The following SEC22A variants were observed in gnomAD, a reference collection of about 807,000 sequenced individuals.
SEC22A encodes the protein SEC22 homolog A, vesicle trafficking protein.
SEC22A carries 22 observed loss-of-function variants against 35.3 expected under a neutral mutation model. The observed-to-expected ratio is 0.62, with a 90% CI of 0.45 to 0.89. The LOEUF (loss-of-function observed/expected upper bound fraction) is 0.89, where lower values mean the gene tolerates loss of function less well. SEC22A is among the 40% of genes least tolerant of loss of function. The probability of loss-of-function intolerance (pLI) is 0.00; values close to 1 mark genes in which losing one functional copy is unlikely to be tolerated. For synonymous variants in SEC22A, 119 were observed against 129.5 expected (o/e 0.92, Z 0.55); for missense variants, 354 against 362.5 (o/e 0.98, Z 0.19).
intron 2 of SEC22A, among the ~76,000 whole-genome samples, chr3:123,214,693 T>G (rs187103146): frequency 7.6e-4 from 115 of 152,290 alleles, no homozygotes; most frequent in East Asian, 3.7e-3. Flanking sequence ...TCATCTGAGA[T>G]CTTTAAAACT....
rs961480911 is a variant in SEC22A at position 123,234,588 on chromosome 3, CA to C, written c.541+9299del. 3.2e-3 allele frequency among the ~76,000 whole-genome samples: 485 copies of C among 151,022 alleles called. 4 individuals carry two copies. The highest frequency in any genetic ancestry group is 5.9e-3 in the South Asian group (28 of 4,768). ...AAAGAATGAAGTTGGACCCCTACCT[CA>C]AAAAAAATATATAAATTAATTAAAA... is the stretch of plus-strand genomic sequence containing the variant. On this transcript the variant is annotated intron_variant, in intron 4 of 6. Transcript: ENST00000492595.
intron 5 of SEC22A, among the ~76,000 whole-genome samples, chr3:123,254,687 G>T (rs914021514): frequency 3.9e-5 from 6 of 152,108 alleles, no homozygotes; most frequent in African/African-American, 1.4e-4. Context: ...TTTTGAGAGA[G>T]TAGACTACAT....
At position 123,272,958 on chromosome 3, in the gene SEC22A, AGATT is replaced by A. The variant is rs1938205518; in HGVS notation, c.*1238_*1241del. On this transcript the variant is annotated 3_prime_UTR_variant, in exon 7 of 7. Coordinates refer to ENST00000492595, the MANE Select transcript of SEC22A (RefSeq NM_012430.5). ...TACTTGTTTTTTGATAACGTTTTAA[AGATT>A]GTTTAAGCAGTTATGAATTAATAAT... 1 of 153,778 alleles carries A rather than the reference AGATT, an allele frequency of 6.5e-6. No individual in the cohort carries two copies. The highest frequency in any genetic ancestry group is 2.4e-5 in the African/African-American group (1 of 41,458). 9.5% of individuals were successfully genotyped at this position (153,778 alleles called of 1,614,324 possible). A position where few individuals can be genotyped will look rare whatever the true frequency, so the allele number is the denominator to read the frequency against.
chr3:123,270,253 A>G (rs1938128859), intron 6 of SEC22A, among the ~76,000 whole-genome samples: 1 of 151,614 alleles, frequency 6.6e-6, no homozygotes, highest in Admixed American at 6.6e-5. Context: ...ATTTTTTTCT[A>G]TTTTTTCAGT....
chr3:123,245,922 A>G lies in SEC22A; in HGVS notation c.565A>G (p.Thr189Ala), dbSNP rs1369979137. The change falls in exon 5 of 7, where the codon ACT (threonine) becomes GCT (alanine). Residue 189 changes from threonine (T) to alanine (A), a missense_variant. Transcript: ENST00000492595. ...AGCTCACCAGCGACTGGAACCAGCA[A>G]CTCTGTCAGGGATTGTAGGATTTAT... ...SSAHQRLEPA[T>A]LSGIVGFILS... 2.1e-5 allele frequency: 34 copies of G among 1,609,514 alleles called. No individual in the cohort carries two copies. Among genetic ancestry groups the G allele is most frequent in the Non-Finnish European group, 2.8e-5 (33 of 1,176,814 alleles).
intron 6 of SEC22A, among the ~76,000 whole-genome samples, chr3:123,267,579 T>A (rs1026726140): frequency 2.0e-5 from 3 of 152,276 alleles, no homozygotes; most frequent in South Asian, 4.1e-4. Flanking sequence ...GATTTTTTTT[T>A]AACCATCAAA....
intron 6 of SEC22A, among the ~76,000 whole-genome samples, chr3:123,269,211 GTGTGTA>G (rs1387659848): frequency 4.5e-5 from 5 of 110,394 alleles, no homozygotes; most frequent in Admixed American, 8.7e-5. Flanking sequence ...GTGTGTGTGT[GTGTGTA>G]TATATTACTG....
intron 1 of SEC22A, among the ~76,000 whole-genome samples, chr3:123,202,715 C>CTGGG (rs1011085518): frequency 1.3e-4 from 20 of 152,140 alleles, no homozygotes; most frequent in Non-Finnish European, 2.8e-4. Flanking sequence ...GATCATCCAC[C>CTGGG]TGGGGCAGGG....
chr3:123,223,725 A>G lies in SEC22A; in HGVS notation c.346+3A>G, dbSNP rs770004742. The G allele has an allele frequency of 6.2e-7, 1 of 1,607,752 alleles. No homozygotes were observed. Among genetic ancestry groups the G allele is most frequent in the Admixed American group, 1.7e-5 (1 of 59,362 alleles). ...ACCATACTGTTTCATTGAATTTGGT[A>G]AGGGCCTGATTTTTTTTTCCTTTTT... On this transcript the variant is annotated splice_donor_region_variant and intron_variant, in intron 3 of 6. Coordinates refer to ENST00000492595, the MANE Select transcript of SEC22A (RefSeq NM_012430.5).
chr3:123,222,727 T>G (rs979856970), intron 2 of SEC22A, among the ~76,000 whole-genome samples: 3 of 152,182 alleles, frequency 2.0e-5, no homozygotes, highest in Non-Finnish European at 2.9e-5. Flanking sequence ...ATGAATGATG[T>G]TAGAGAGTAC....
At chr3:123,203,419 T>G (rs1936791938) in intron 1 of SEC22A, among the ~76,000 whole-genome samples, 1 of 152,178 alleles carries the variant, frequency 6.6e-6, no homozygotes, top group Admixed American at 6.5e-5. Flanking sequence ...ATGTAGTGCT[T>G]TTAGCATGTT....
Position 123,209,245 on chromosome 3 carries a change from A to G in SEC22A, c.28A>G (p.Ile10Val). Residue 10 changes from isoleucine to valine, a missense_variant, in exon 2 of 7, where the codon ATT becomes GTT. Transcript: ENST00000492595. MSMILSASV[I>V]RVRDGLPLSA... The stretch of plus-strand genomic sequence containing the variant: ...GTCTATGATTTTATCTGCCTCAGTC[A>G]TTCGTGTCAGAGATGGACTGCCACT... The G allele has an allele frequency of 6.2e-7, 1 of 1,614,110 alleles. No homozygotes were observed. The highest frequency in any genetic ancestry group is 8.5e-7 in the Non-Finnish European group (1 of 1,179,988).
chr3:123,203,235 A>G (rs1576480233), intron 1 of SEC22A, among the ~76,000 whole-genome samples: 2 of 149,918 alleles, frequency 1.3e-5, no homozygotes, highest in South Asian at 4.2e-4. Flanking sequence ...TTTGTCACCT[A>G]CTCGTTTAGG....
rs553607231 is a variant in SEC22A at position 123,202,538 on chromosome 3, C to T, written c.-20+552C>T. ...TGGCTCACGGAAATCTCTTGAGACC[C>T]TGTCTCAAGAGTCACTTTGGGAACG... On this transcript the variant is annotated intron_variant, in intron 1 of 6. Transcript: ENST00000492595. Among the ~76,000 whole-genome samples the T allele has an allele frequency of 1.2e-4, 18 of 152,234 alleles. No individual in the cohort carries two copies. In the East Asian group the frequency reaches 3.3e-3, roughly 28 times the overall value.
At chr3:123,260,914 C>T (rs1382726450) in intron 6 of SEC22A, among the ~76,000 whole-genome samples, 1 of 150,694 alleles carries the variant, frequency 6.6e-6, no homozygotes, top group Non-Finnish European at 1.5e-5. Context: ...CGGCTCACTG[C>T]AAGCTCCGCC....
chr3:123,211,519 G>A (rs1175605226), intron 2 of SEC22A, among the ~76,000 whole-genome samples: 1 of 152,088 alleles, frequency 6.6e-6, no homozygotes, highest in Non-Finnish European at 1.5e-5. Flanking sequence ...GAATGCAGTG[G>A]CATGATGACA....
At chr3:123,233,856 G>A (rs1019833644) in intron 4 of SEC22A, among the ~76,000 whole-genome samples, 43 of 152,256 alleles carry the variant, frequency 2.8e-4, no homozygotes, top group African/African-American at 5.1e-4. Context: ...ACAGCAGGCC[G>A]TTGGACAAGG....
At chr3:123,238,816 A>T (rs1166707086) in intron 4 of SEC22A, among the ~76,000 whole-genome samples, 2 of 152,134 alleles carry the variant, frequency 1.3e-5, no homozygotes, top group African/African-American at 4.8e-5. Context: ...AAGTCTACAG[A>T]TGTTGTTCAT....
chr3:123,219,348 A>G (rs558801810), intron 2 of SEC22A, among the ~76,000 whole-genome samples: 2 of 152,326 alleles, frequency 1.3e-5, no homozygotes, highest in African/African-American at 4.8e-5. Flanking sequence ...AATTTCGGGA[A>G]TAAAATAGAG....
Sources: allele counts gnomAD v4.1 joint callset (sites outside exome capture counted in the v4.1 genomes callset), GRCh38; gene constraint gnomAD v4.1.1; transcripts MANE v1.5; gene names NCBI Gene and HGNC (gene_info 2026-07-23, HGNC 2026-07-21).